GPM6B: variants seen among roughly 807,000 people sequenced by gnomAD.
GPM6B encodes neuronal membrane glycoprotein M6-b.
In GPM6B, 4 loss-of-function variants were observed where a neutral mutation model predicts 27.2. The observed-to-expected ratio is 0.15, with a 90% confidence interval of 0.07 to 0.34. The LOEUF (loss-of-function observed/expected upper bound fraction) is 0.34. Ranked by LOEUF, GPM6B falls within the 10% of genes least tolerant of loss-of-function variation. GPM6B has a pLI of 1.00. For missense variants in GPM6B, 183 were observed against 261.9 expected, an observed-to-expected ratio of 0.70 and a Z score of 2.08; for synonymous variants, 124 against 103.1, an observed-to-expected ratio of 1.20 and a Z score of -1.23.
chrX:13,816,715 C>G (rs2147198446), intron 1 of GPM6B, 129 bp downstream of exon 1: 1 of 816,548 alleles, frequency 1.2e-6, no homozygotes, highest in East Asian at 3.2e-5. Context: ...AAAATCAACC[C>G]TGAAAGCAAG....
intron 1 of GPM6B, among the ~76,000 whole-genome samples, chrX:13,826,639 G>A (rs1245850244): frequency 9.0e-6 from 1 of 110,874 alleles, no homozygotes; most frequent in African/African-American, 3.3e-5. Context: ...TCAGAAGGCC[G>A]ATGTGAGAAG....
chrX:13,910,124 C>G (rs747461426), intron 1 of GPM6B, among the ~76,000 whole-genome samples: 5 of 112,304 alleles, frequency 4.5e-5, no homozygotes, highest in Non-Finnish European at 9.4e-5. Flanking sequence ...TACCTCCACC[C>G]TGGAGGGTGG....
intron 1 of GPM6B, among the ~76,000 whole-genome samples, chrX:13,891,836 C>T (rs1569289909): frequency 1.8e-5 from 2 of 111,742 alleles, no homozygotes; most frequent in Non-Finnish European, 3.8e-5. Context: ...ACAGAGAGCA[C>T]GGATGCACTG....
chrX:13,794,120 ATGTGGC>A (rs1176887642), intron 2 of GPM6B, among the ~76,000 whole-genome samples: 1 of 110,389 alleles, frequency 9.1e-6, no homozygotes, highest in African/African-American at 3.3e-5. Context: ...GGTATTTACT[ATGTGGC>A]CCTTTAAAGG....
intron 1 of GPM6B, among the ~76,000 whole-genome samples, chrX:13,923,409 C>T (rs966153568): frequency 1.8e-5 from 2 of 111,669 alleles, no homozygotes; most frequent in African/African-American, 6.5e-5. Flanking sequence ...AAGTTTGAGG[C>T]CTTGTTGAGG....
chrX:13,864,849 C>A (rs1292121536), intron 1 of GPM6B, among the ~76,000 whole-genome samples: 1 of 111,690 alleles, frequency 9.0e-6, no homozygotes, highest in Non-Finnish European at 1.9e-5. Flanking sequence ...TTCCAAGACC[C>A]CCAGTGGATG....
chrX:13,861,031 C>T (rs866812431), intron 1 of GPM6B, among the ~76,000 whole-genome samples: 67 of 81,249 alleles, frequency 8.2e-4, no homozygotes, highest in Non-Finnish European at 1.2e-3. Flanking sequence ...CACACACACA[C>T]ACACACACAC....
At chrX:13,795,112 G>A (rs1479185954) in intron 2 of GPM6B, among the ~76,000 whole-genome samples, 1 of 112,326 alleles carries the variant, frequency 8.9e-6, no homozygotes, top group Non-Finnish European at 1.9e-5. Flanking sequence ...ACTTCTTGAT[G>A]AAATTGGTGG....
At chrX:13,924,424 T>C (rs1036993455) in intron 1 of GPM6B, among the ~76,000 whole-genome samples, 2 of 111,144 alleles carry the variant, frequency 1.8e-5, no homozygotes, top group Admixed American at 1.9e-4. Flanking sequence ...CTCAGCCTCC[T>C]GAGTAACTGG....
chrX:13,926,050 A>G (rs186194942), intron 1 of GPM6B, among the ~76,000 whole-genome samples: 1,447 of 101,301 alleles, frequency 0.014, 43 homozygotes, highest in African/African-American at 0.051. Flanking sequence ...GCGAGACTCC[A>G]TCTCAAAAAA....
chrX:13,909,120 CTTTTTTT>C (rs368081524), intron 1 of GPM6B, among the ~76,000 whole-genome samples: 7 of 69,827 alleles, frequency 1.0e-4, no homozygotes, highest in Admixed American at 1.9e-4. Context: ...TGTTCATATC[CTTTTTTT>C]TTTTTTTTTT....
chrX:13,836,850 A>G (rs2049500454), intron 1 of GPM6B, among the ~76,000 whole-genome samples: 1 of 112,806 alleles, frequency 8.9e-6, no homozygotes, highest in African/African-American at 3.2e-5. Flanking sequence ...TGCATGCATT[A>G]TTCTTCAGTT....
intron 2 of GPM6B, among the ~76,000 whole-genome samples, chrX:13,792,698 G>A (rs181402764): frequency 2.4e-4 from 27 of 111,068 alleles, no homozygotes; most frequent in African/African-American, 8.2e-4. Flanking sequence ...TCAGGAGATC[G>A]ACACCATCCC....
intron 4 of GPM6B, among the ~76,000 whole-genome samples, chrX:13,781,984 A>G (rs1200467827): frequency 2.7e-5 from 3 of 111,616 alleles, no homozygotes; most frequent in Admixed American, 9.5e-5. Context: ...GATCTCATCC[A>G]CCTTCTCCAC....
At chrX:13,786,522 T>C (rs180957863) in intron 2 of GPM6B, among the ~76,000 whole-genome samples, 1 of 110,730 alleles carries the variant, frequency 9.0e-6, no homozygotes, top group African/African-American at 3.3e-5. Context: ...ATAAAAATGC[T>C]TCCCCCCAGC....
intron 1 of GPM6B, among the ~76,000 whole-genome samples, chrX:13,890,218 G>A (rs1394508439): frequency 1.8e-5 from 2 of 111,460 alleles, no homozygotes; most frequent in Non-Finnish European, 3.8e-5. Flanking sequence ...GTGACCTCTG[G>A]TTGTCCTCAC....
intron 2 of GPM6B, among the ~76,000 whole-genome samples, chrX:13,804,433 C>CGGGGGGGG (rs1427922805): frequency 7.5e-4 from 3 of 4,014 alleles, no homozygotes; most frequent in African/African-American, 2.9e-3. Flanking sequence ...GGGCGGGGGG[C>CGGGGGGGG]GGGGGTAGCC....
At chrX:13,822,772 A>C (rs754953708) in intron 1 of GPM6B, among the ~76,000 whole-genome samples, 1 of 111,943 alleles carries the variant, frequency 8.9e-6, no homozygotes, top group African/African-American at 3.2e-5. Flanking sequence ...AGAAAACAGA[A>C]TGATAAATAC....
In GPM6B at chrX:13,846,790, CTT is replaced by C. The variant is rs10656571; in HGVS notation, c.-197-60984_-197-60983del. ...TTACAGGCGTGAGCCACTGCGCCAG[CTT>C]TTTTTTTTTTTTTTTTTTAAACTTT... On this transcript the variant is annotated intron_variant, in intron 1 of 6. Transcript: ENST00000398361. Among the ~76,000 whole-genome samples, 139 of 85,405 alleles carry C rather than the reference CTT, an allele frequency of 1.6e-3. 1 individual carries two copies. Among genetic ancestry groups the C allele is most frequent in the South Asian group, 4.8e-3 (8 of 1,660 alleles). 74.2% of individuals were successfully genotyped at this position (85,405 alleles called of 115,157 possible). A position where few individuals can be genotyped will look rare whatever the true frequency, so the allele number is the denominator to read the frequency against.
Sources: allele counts gnomAD v4.1 joint callset (sites outside exome capture counted in the v4.1 genomes callset), GRCh38; gene constraint gnomAD v4.1.1; transcripts MANE v1.5; gene names NCBI Gene and HGNC (gene_info 2026-07-23, HGNC 2026-07-21).